EXOC4: variants seen among roughly 807,000 people sequenced by gnomAD.
EXOC4 encodes exocyst complex component 4.
Under a neutral mutation model 107.2 loss-of-function variants are expected in EXOC4, and 71 were observed. That is an observed-to-expected ratio of 0.66 (90% CI 0.55 to 0.81). EXOC4 has a LOEUF of 0.81. Among genes scored for constraint, EXOC4 ranks in the 30% least tolerant of loss-of-function variants. The pLI, the probability that EXOC4 is intolerant of heterozygous loss-of-function variation, is 0.00. For synonymous variants in EXOC4, 456 were observed against 441.2 expected, an observed-to-expected ratio of 1.03 and a Z score of -0.42; for missense variants, 1,108 against 1,189.6, an observed-to-expected ratio of 0.93 and a Z score of 1.01.
At chr7:133,273,989 T>C (rs994456869) in intron 1 of EXOC4, among the ~76,000 whole-genome samples, 7 of 152,228 alleles carry the variant, frequency 4.6e-5, no homozygotes, top group Admixed American at 3.3e-4. Flanking sequence ...GTTCCTTTGT[T>C]ACTGATTATA....
intron 7 of EXOC4, among the ~76,000 whole-genome samples, chr7:133,430,327 C>T (rs182614976): frequency 1.3e-5 from 2 of 152,212 alleles, no homozygotes; most frequent in Admixed American, 1.3e-4. Flanking sequence ...CATGGCGGGC[C>T]AGGGTGGTTT....
At chr7:133,775,173 A>G (rs1796321255) in intron 10 of EXOC4, among the ~76,000 whole-genome samples, 1 of 152,040 alleles carries the variant, frequency 6.6e-6, no homozygotes, top group Non-Finnish European at 1.5e-5. Flanking sequence ...TCCCTCCTAA[A>G]CTCTTTACTA....
At chr7:133,464,276 T>A (rs539260494) in intron 7 of EXOC4, among the ~76,000 whole-genome samples, 1 of 152,344 alleles carries the variant, frequency 6.6e-6, no homozygotes, top group South Asian at 2.1e-4. Context: ...TTATCTTTTA[T>A]TATTATTTTT....
intron 10 of EXOC4, among the ~76,000 whole-genome samples, chr7:133,704,679 G>C (rs1003277341): frequency 6.6e-6 from 1 of 152,194 alleles, no homozygotes; most frequent in Non-Finnish European, 1.5e-5. Flanking sequence ...GGATCCGGGT[G>C]TGTGTGGAAA....
intron 7 of EXOC4, among the ~76,000 whole-genome samples, chr7:133,449,721 T>TTGTGTGTGTGTGTGTGTGTGTGTG (rs58843853): frequency 1.4e-5 from 2 of 147,890 alleles, no homozygotes; most frequent in African/African-American, 5.0e-5. Context: ...GAAAATACAT[T>TTGTGTGTGTGTGTGTGTGTGTGTG]TGTGTGTGTG....
intron 10 of EXOC4, among the ~76,000 whole-genome samples, chr7:133,671,385 G>T (rs1219418790): frequency 6.6e-6 from 1 of 152,040 alleles, no homozygotes; most frequent in African/African-American, 2.4e-5. Flanking sequence ...CCAACATGGC[G>T]AAACCCCATC....
At chr7:133,267,872 C>T (rs1006166192) in intron 1 of EXOC4, among the ~76,000 whole-genome samples, 9 of 152,122 alleles carry the variant, frequency 5.9e-5, no homozygotes, top group Admixed American at 1.3e-4. Context: ...CACTGCTGCT[C>T]ATTACTTAGC....
rs533641666 is a variant in EXOC4, at chr7:133,780,304, A to T, written c.1515-37021A>T. On this transcript the variant is annotated intron_variant, in intron 10 of 17. Coordinates refer to ENST00000253861, the MANE Select transcript of EXOC4 (RefSeq NM_021807.4). Reference sequence around the variant, plus strand: ...TCCTGTAATTGCTTTTGAAGAATCTAAAAAAAAAAAAAGCCATACTTTTAG... The same window carrying T: ...TCCTGTAATTGCTTTTGAAGAATCTTAAAAAAAAAAAAGCCATACTTTTAG... Among the ~76,000 whole-genome samples, 7 of 46,142 alleles carry T rather than the reference A, an allele frequency of 1.5e-4. No homozygotes were observed. In the South Asian group the frequency reaches 7.3e-3, roughly 48 times the overall value. 30.3% of individuals were successfully genotyped at this position (46,142 alleles called of 152,430 possible). A position where few individuals can be genotyped will look rare whatever the true frequency, so the allele number is the denominator to read the frequency against.
At chr7:133,480,396 C>T (rs1436579584) in intron 9 of EXOC4, 5 of 1,259,808 alleles carry the variant, frequency 4.0e-6, no homozygotes, top group Non-Finnish European at 5.0e-6. Flanking sequence ...GCTCGTCTTG[C>T]TTAAACAGAA....
At chr7:133,980,778 T>C (rs541863423) in intron 14 of EXOC4, among the ~76,000 whole-genome samples, 2 of 149,558 alleles carry the variant, frequency 1.3e-5, no homozygotes, top group South Asian at 4.5e-4. Flanking sequence ...AAAAATTGAT[T>C]CTGGAAGCAT....
intron 17 of EXOC4, among the ~76,000 whole-genome samples, chr7:134,049,524 T>C (rs369573676): frequency 6.6e-6 from 1 of 152,208 alleles, no homozygotes; most frequent in South Asian, 2.1e-4. Context: ...TGGAGGACTT[T>C]ATTTCCTTCA....
At chr7:133,687,852 C>T (rs1472412349) in intron 10 of EXOC4, among the ~76,000 whole-genome samples, 1 of 151,926 alleles carries the variant, frequency 6.6e-6, no homozygotes, top group African/African-American at 2.4e-5. Flanking sequence ...GCTTTTAAAT[C>T]AGTTACCATG....
At chr7:133,421,075 A>T (rs935200748) in intron 7 of EXOC4, among the ~76,000 whole-genome samples, 5 of 151,992 alleles carry the variant, frequency 3.3e-5, no homozygotes, top group African/African-American at 4.8e-5. Context: ...TGGGAAAGAC[A>T]TTGAACTATC....
chr7:133,967,109 A>T (rs13231617), intron 14 of EXOC4, among the ~76,000 whole-genome samples: 2 of 151,956 alleles, frequency 1.3e-5, no homozygotes, highest in African/African-American at 4.8e-5. Context: ...TAGTTTATTC[A>T]CATAGAGGTG....
At chr7:133,474,234 T>C (rs565866398) in intron 7 of EXOC4, among the ~76,000 whole-genome samples, 122 of 152,330 alleles carry the variant, frequency 8.0e-4, no homozygotes, top group African/African-American at 2.7e-3. Flanking sequence ...GTATCTATTA[T>C]GGGTTTTTGC....
At chr7:133,332,444 C>T (rs1183079149) in intron 5 of EXOC4, among the ~76,000 whole-genome samples, 1 of 152,096 alleles carries the variant, frequency 6.6e-6, no homozygotes, top group Non-Finnish European at 1.5e-5. Context: ...TCCTGGCCAA[C>T]ATGGTGACCA....
At chr7:133,815,372 CAAA>C (rs531468167) in intron 10 of EXOC4, among the ~76,000 whole-genome samples, 6 of 69,556 alleles carry the variant, frequency 8.6e-5, no homozygotes, top group Non-Finnish European at 1.0e-4. Flanking sequence ...AAGACTGCTT[CAAA>C]AAAAAAAAAA....
intron 16 of EXOC4, 90 bp downstream of exon 16, chr7:134,005,180 T>G: frequency 7.6e-7 from 1 of 1,322,706 alleles, no homozygotes; most frequent in Admixed American, 2.2e-5. Flanking sequence ...TCAAGACTTG[T>G]AGAAAAGAGT....
At chr7:133,432,409 G>T (rs970967752) in intron 7 of EXOC4, among the ~76,000 whole-genome samples, 2 of 152,136 alleles carry the variant, frequency 1.3e-5, no homozygotes, top group Non-Finnish European at 2.9e-5. Flanking sequence ...GGGACATATA[G>T]TAGGCATTTA....
Sources: gnomAD v4.1 joint callset for allele counts (sites outside exome capture counted in the v4.1 genomes callset) on GRCh38, gnomAD v4.1.1 for gene constraint, MANE v1.5 for transcripts, NCBI Gene and HGNC (gene_info 2026-07-23, HGNC 2026-07-21) for gene names.